BCAS3: variants seen among roughly 807,000 people sequenced by gnomAD.
The protein encoded by BCAS3 is BCAS3 microtubule associated cell migration factor.
In BCAS3, 53 loss-of-function variants were observed where a neutral mutation model predicts 116.1. The observed-to-expected ratio is 0.46, with a 90% CI of 0.37 to 0.57. BCAS3 has a LOEUF of 0.57. BCAS3 is among the 20% of genes least tolerant of loss of function. BCAS3 has a pLI of 0.00. For missense variants in BCAS3, 917 were observed against 1,165.4 expected (o/e 0.79, Z 3.10); for synonymous variants, 391 against 408.2 (o/e 0.96, Z 0.51).
At chr17:61,322,794 CAG>C (rs35581770) in intron 22 of BCAS3, among the ~76,000 whole-genome samples, 5,816 of 99,564 alleles carry the variant, frequency 0.058, 268 homozygotes, top group African/African-American at 0.14. Flanking sequence ...GAGAGAGAGA[CAG>C]AGAGAGAGAG....
chr17:61,216,200 G>A (rs1345671945), intron 22 of BCAS3, among the ~76,000 whole-genome samples: 1 of 152,184 alleles, frequency 6.6e-6, no homozygotes, highest in Non-Finnish European at 1.5e-5. Context: ...CTAGCAGGGA[G>A]ATTCCTTAAA....
chr17:61,093,536 G>A (rs1601175397), intron 22 of BCAS3, among the ~76,000 whole-genome samples: 1 of 152,156 alleles, frequency 6.6e-6, no homozygotes, highest in East Asian at 1.9e-4. Flanking sequence ...GCAGTGAGCT[G>A]TGATCACGCC....
chr17:60,918,881 G>A (rs1457677785), intron 12 of BCAS3, among the ~76,000 whole-genome samples: 1 of 151,956 alleles, frequency 6.6e-6, no homozygotes, highest in East Asian at 1.9e-4. Flanking sequence ...TTTTAGTAGA[G>A]ACGGAGTTTC....
rs1255182411 is a variant in BCAS3, at chr17:60,990,271, TC to T, written c.1486+38del. The T allele has an allele frequency of 6.3e-7, 1 of 1,598,844 alleles. No individual in the cohort carries two copies. The highest frequency in any genetic ancestry group is 2.2e-5 in the East Asian group (1 of 44,650). On this transcript the variant is annotated intron_variant, in intron 15 of 23. Coordinates refer to ENST00000407086, the MANE Select transcript of BCAS3 (RefSeq NM_017679.5). This position sits in a 1 kb window ranked among gnomAD's most constrained non-coding sequence, Gnocchi z 5.1. ...CTGTCTCCACTGTTATCTTGAATCT[TC>T]CTTCCCTTTGTCCTTATTTTTACAG...
chr17:61,010,649 T>C (rs1309097560), intron 15 of BCAS3, among the ~76,000 whole-genome samples: 2 of 152,030 alleles, frequency 1.3e-5, no homozygotes, highest in Non-Finnish European at 2.9e-5. Context: ...CAAGACATCA[T>C]AGCTTTAAAC....
rs1320171506 is a variant in BCAS3 at position 60,747,251 on chromosome 17, G to T, written c.375G>T (p.Ala125=). Reference sequence around the variant, plus strand: ...CTGTTCGACATGGCCCAATTCGAGCGGCTAGAATCTTGCCTGCTCCACAGT... The same window carrying T: ...CTGTTCGACATGGCCCAATTCGAGCTGCTAGAATCTTGCCTGCTCCACAGT... ...LFSVRHGPIR[A]ARILPAPQFG... is the part of the protein sequence containing the mutation. Residue 125 remains alanine (A), a synonymous_variant, in exon 6 of 24, where the codon GCG becomes GCT. Transcript: ENST00000407086. 6.2e-7 allele frequency: 1 copy of T among 1,613,046 alleles called. No individual in the cohort carries two copies.
intron 22 of BCAS3, among the ~76,000 whole-genome samples, chr17:61,310,802 A>G (rs1039025114): frequency 3.3e-5 from 5 of 152,134 alleles, no homozygotes; most frequent in African/African-American, 1.2e-4. Context: ...AAACCGTGAT[A>G]GAAAAAGGAT....
At chr17:61,202,424 T>G (rs760165345) in intron 22 of BCAS3, among the ~76,000 whole-genome samples, 21 of 152,162 alleles carry the variant, frequency 1.4e-4, no homozygotes, top group Non-Finnish European at 2.6e-4. Flanking sequence ...CCCATGCTTT[T>G]CTTAACTCCC....
rs533334897 is a variant in BCAS3, at chr17:61,152,975, A to G, written c.2425+68411A>G. Among the ~76,000 whole-genome samples the G allele has an allele frequency of 1.5e-4, 23 of 152,298 alleles. 1 individual carries two copies. The South Asian group carries it at 4.6e-3, about 30-fold the overall frequency. On this transcript the variant is annotated intron_variant, in intron 22 of 23. Coordinates refer to ENST00000407086, the MANE Select transcript of BCAS3 (RefSeq NM_017679.5). Reference sequence around the variant, plus strand: ...TTCCTTCTTTTGAAAGAAATTTTCTATCATCCTATACTAACTTACAGTTTT... The same window carrying G: ...TTCCTTCTTTTGAAAGAAATTTTCTGTCATCCTATACTAACTTACAGTTTT...
intron 22 of BCAS3, among the ~76,000 whole-genome samples, chr17:61,238,718 C>T (rs1206540224): frequency 2.0e-5 from 3 of 152,118 alleles, no homozygotes; most frequent in African/African-American, 7.2e-5. Flanking sequence ...GGTGTCTTCA[C>T]CGTATTCTTA....
intron 15 of BCAS3, among the ~76,000 whole-genome samples, chr17:61,000,086 T>C (rs2064135289): frequency 6.6e-6 from 1 of 152,198 alleles, no homozygotes; most frequent in South Asian, 2.1e-4. Flanking sequence ...GAGAGATAAT[T>C]TGACTTTCTC....
intron 5 of BCAS3, among the ~76,000 whole-genome samples, chr17:60,739,355 C>G (rs1455861993): frequency 6.6e-6 from 1 of 152,174 alleles, no homozygotes; most frequent in Admixed American, 6.5e-5. Context: ...CGCAGTGGCT[C>G]ATGCCTGTAA....
chr17:60,947,516 C>G (rs2060573728), intron 14 of BCAS3, among the ~76,000 whole-genome samples, 164 bp downstream of exon 14: 1 of 152,110 alleles, frequency 6.6e-6, no homozygotes, highest in Non-Finnish European at 1.5e-5. Flanking sequence ...CGTTTTGACC[C>G]AGTAAATACA....
intron 5 of BCAS3, among the ~76,000 whole-genome samples, chr17:60,710,731 A>T (rs563008961): frequency 1.0e-4 from 15 of 149,258 alleles, no homozygotes; most frequent in Non-Finnish European, 1.9e-4. Context: ...ATGCCTGGCC[A>T]ACATTTTTTA....
At chr17:61,064,982 C>T (rs768627391) in intron 19 of BCAS3, among the ~76,000 whole-genome samples, 1 of 152,154 alleles carries the variant, frequency 6.6e-6, no homozygotes, top group Non-Finnish European at 1.5e-5. Context: ...TAGTGAATTC[C>T]TCTACATTTA....
rs145110383 is a variant in BCAS3 at position 61,353,040 on chromosome 17, G to A, written c.2426-15287G>A. Among the ~76,000 whole-genome samples, 789 of 152,288 alleles carry A rather than the reference G, an allele frequency of 5.2e-3. 5 individuals are homozygous for A. Among genetic ancestry groups the A allele is most frequent in the African/African-American group, 0.018 (757 of 41,566 alleles). ...AATTTGAGGATTGACCTCATGGGGTGGGGAGAGGGAGGAGAGGAAAGGGAG... is the reference window on the plus strand; with the variant it reads ...AATTTGAGGATTGACCTCATGGGGTAGGGAGAGGGAGGAGAGGAAAGGGAG... On this transcript the variant is annotated intron_variant, in intron 22 of 23. Transcript: ENST00000407086.
intron 17 of BCAS3, chr17:61,036,411 A>C (rs144893069): frequency 1.3e-5 from 2 of 152,306 alleles, no homozygotes; most frequent in African/African-American, 4.8e-5. Flanking sequence ...ACTGTTAAGT[A>C]TGCAAGCCTT....
At chr17:61,112,719 G>T (rs1376366795) in intron 22 of BCAS3, among the ~76,000 whole-genome samples, 1 of 149,364 alleles carries the variant, frequency 6.7e-6, no homozygotes, top group Non-Finnish European at 1.5e-5. Context: ...ATTGAACTCA[G>T]CTCTGCACCA....
chr17:60,693,698 C>T (rs2035183006), intron 4 of BCAS3, among the ~76,000 whole-genome samples: 1 of 151,612 alleles, frequency 6.6e-6, no homozygotes, highest in South Asian at 2.1e-4. Flanking sequence ...CAGGTGTGAG[C>T]TACTATGCCC....
Sources: gnomAD v4.1 joint callset for allele counts (sites outside exome capture counted in the v4.1 genomes callset) on GRCh38, gnomAD v4.1.1 for gene constraint, Gnocchi (gnomAD v3.1) non-coding constraint, MANE v1.5 for transcripts, NCBI Gene and HGNC (gene_info 2026-07-23, HGNC 2026-07-21) for gene names.